ZBTB20: variants seen among roughly 807,000 people sequenced by gnomAD.
The protein encoded by ZBTB20 is zinc finger and BTB domain-containing protein 20.
ZBTB20 carries 9 observed loss-of-function variants against 56.9 expected under a neutral mutation model. That is an observed-to-expected ratio of 0.16 (90% CI 0.10 to 0.28). The LOEUF is 0.28. ZBTB20 is among the 10% of genes least tolerant of loss of function. The probability of loss-of-function intolerance (pLI) is 1.00; values close to 1 mark genes in which losing one functional copy is unlikely to be tolerated. For synonymous variants in ZBTB20, 417 were observed against 420.7 expected (o/e 0.99, Z 0.11); for missense variants, 655 against 1,003.0 (o/e 0.65, Z 4.69).
intron 2 of ZBTB20, among the ~76,000 whole-genome samples, chr3:114,985,806 C>T (rs2078515872): frequency 6.6e-6 from 1 of 152,076 alleles, no homozygotes; most frequent in Non-Finnish European, 1.5e-5. Flanking sequence ...CAGGTGAAAA[C>T]ATCCATTCAT....
intron 3 of ZBTB20, among the ~76,000 whole-genome samples, chr3:114,927,230 G>A (rs1223148678): frequency 6.6e-6 from 1 of 152,172 alleles, no homozygotes. Context: ...CCAATGGCCT[G>A]GAAGCCCCCT....
intron 5 of ZBTB20, among the ~76,000 whole-genome samples, chr3:114,762,719 C>G (rs1322550692): frequency 6.6e-6 from 1 of 152,128 alleles, no homozygotes; most frequent in Non-Finnish European, 1.5e-5. Context: ...TCCTGGGAAG[C>G]CAGGGCGTTC....
At chr3:114,943,698 A>G (rs2076795369) in intron 3 of ZBTB20, among the ~76,000 whole-genome samples, 1 of 145,448 alleles carries the variant, frequency 6.9e-6, no homozygotes, top group Non-Finnish European at 1.5e-5. Flanking sequence ...TGATAATAAA[A>G]GAAGAAGCAT....
intron 11 of ZBTB20, among the ~76,000 whole-genome samples, chr3:114,342,115 A>G (rs538560959): frequency 6.6e-6 from 1 of 152,222 alleles, no homozygotes; most frequent in African/African-American, 2.4e-5. Flanking sequence ...TAAATGGGGT[A>G]TATTTTCAGA....
At chr3:114,388,455 C>T (rs2085419636) in intron 8 of ZBTB20, 1 of 152,112 alleles carries the variant, frequency 6.6e-6, no homozygotes, top group Non-Finnish European at 1.5e-5. Flanking sequence ...CTACACAGAC[C>T]CATACATCCA....
chr3:114,353,880 A>G (rs1377531414), intron 10 of ZBTB20, among the ~76,000 whole-genome samples: 1 of 152,210 alleles, frequency 6.6e-6, no homozygotes, highest in Non-Finnish European at 1.5e-5. Flanking sequence ...AACTTGCTCA[A>G]GTACACACAG....
intron 2 of ZBTB20, among the ~76,000 whole-genome samples, chr3:114,983,710 A>C (rs2078422714): frequency 6.6e-6 from 1 of 152,000 alleles, no homozygotes; most frequent in Non-Finnish European, 1.5e-5. Context: ...TAGACTAGGA[A>C]TTTTTACATT....
chr3:114,585,053 G>T (rs1057010210), intron 6 of ZBTB20, among the ~76,000 whole-genome samples: 1 of 152,098 alleles, frequency 6.6e-6, no homozygotes, highest in Non-Finnish European at 1.5e-5. Flanking sequence ...TTCTCTTACA[G>T]GCAAGGCTCC....
rs562211801 is a variant in ZBTB20, at chr3:115,063,794, T to C, written c.-507+7425A>G. ...GCCAAAACTCATTCTAGTGTTTGCC[T>C]GATTTCTAAATAATATGCTTCTATT... On this transcript the variant is annotated intron_variant, in intron 2 of 11. Transcript: ENST00000675478. Among the ~76,000 whole-genome samples the C allele has an allele frequency of 1.4e-3, 213 of 152,302 alleles. 1 individual carries two copies. Among genetic ancestry groups the C allele is most frequent in the Non-Finnish European group, 2.5e-3 (173 of 68,016 alleles).
intron 4 of ZBTB20, among the ~76,000 whole-genome samples, chr3:114,898,068 G>A (rs1221293374): frequency 1.3e-5 from 2 of 152,072 alleles, no homozygotes; most frequent in African/African-American, 4.8e-5. Context: ...TAAACACAGG[G>A]TCCATTACTT....
At chr3:114,380,072 G>A (rs991109768) in intron 10 of ZBTB20, 145 bp downstream of exon 10, 17 of 887,036 alleles carry the variant, frequency 1.9e-5, no homozygotes, top group South Asian at 7.5e-5. Flanking sequence ...GATATTGGCT[G>A]AATGAAAATG....
At chr3:114,649,509 TGC>T (rs2060015686) in intron 6 of ZBTB20, among the ~76,000 whole-genome samples, 1 of 151,914 alleles carries the variant, frequency 6.6e-6, no homozygotes, top group Non-Finnish European at 1.5e-5. Context: ...CTCAAGTCTC[TGC>T]TTTGTGACTC....
At chr3:114,753,059 A>G (rs111230486) in intron 5 of ZBTB20, among the ~76,000 whole-genome samples, 42 of 152,128 alleles carry the variant, frequency 2.8e-4, no homozygotes, top group African/African-American at 6.7e-4. Context: ...GTTTCCCACA[A>G]GAAGTGTCTT....
At chr3:114,839,206 G>A (rs897717024) in intron 4 of ZBTB20, among the ~76,000 whole-genome samples, 1 of 151,972 alleles carries the variant, frequency 6.6e-6, no homozygotes, top group Non-Finnish European at 1.5e-5. Context: ...TTCAAGACCA[G>A]CTTTGGCAAT....
At chr3:114,524,901 A>G (rs1345986072) in intron 6 of ZBTB20, among the ~76,000 whole-genome samples, 1 of 152,112 alleles carries the variant, frequency 6.6e-6, no homozygotes, top group Non-Finnish European at 1.5e-5. Flanking sequence ...TTTAGTAGAG[A>G]CGAGGTTTCA....
intron 7 of ZBTB20, among the ~76,000 whole-genome samples, chr3:114,422,736 A>C (rs1409466293): frequency 6.6e-6 from 1 of 152,190 alleles, no homozygotes; most frequent in Non-Finnish European, 1.5e-5. Context: ...TTTAGGTAAC[A>C]CTAAGCAAGG....
chr3:115,097,944 T>C (rs2083439116), intron 1 of ZBTB20, among the ~76,000 whole-genome samples: 1 of 152,204 alleles, frequency 6.6e-6, no homozygotes, highest in Non-Finnish European at 1.5e-5. Flanking sequence ...TTAGATCTAC[T>C]GAAGGTTAAG....
chr3:115,129,016 G>A (rs1487024624), intron 1 of ZBTB20, among the ~76,000 whole-genome samples: 1 of 151,630 alleles, frequency 6.6e-6, no homozygotes, highest in Non-Finnish European at 1.5e-5. Flanking sequence ...GGAGAATGGC[G>A]TGAACCCGGG....
chr3:114,553,821 C>G (rs2050865857), intron 6 of ZBTB20, among the ~76,000 whole-genome samples: 1 of 152,134 alleles, frequency 6.6e-6, no homozygotes, highest in Non-Finnish European at 1.5e-5. Context: ...AACTCATTCA[C>G]TCCCATGCTA....
Sources: allele counts gnomAD v4.1 joint callset (sites outside exome capture counted in the v4.1 genomes callset), GRCh38; gene constraint gnomAD v4.1.1; transcripts MANE v1.5; gene names NCBI Gene and HGNC (gene_info 2026-07-23, HGNC 2026-07-21).